The following SRD5A2 variants were observed in gnomAD, a reference collection of about 807,000 sequenced individuals.
SRD5A2 encodes 3-oxo-5-alpha-steroid 4-dehydrogenase 2.
SRD5A2 carries 30 observed loss-of-function variants against 27.4 expected under a neutral mutation model. The observed-to-expected ratio is 1.10, with a 90% CI of 0.82 to 1.49. The LOEUF is 1.49. SRD5A2 is among the 40% of genes most tolerant of loss of function. The pLI is 0.00. For synonymous variants in SRD5A2, 141 were observed against 133.6 expected (o/e 1.06, Z -0.38); for missense variants, 348 against 323.4 (o/e 1.08, Z -0.58).
the SRD5A2 span, among the ~76,000 whole-genome samples, chr2:31,638,594 T>C: frequency 4.4e-4 from 67 of 152,228 alleles, no homozygotes; most frequent in African/African-American, 1.6e-3. Context: ...CTTTATATAC[T>C]AGGAACTCCT....
At chr2:31,628,162 G>C in the SRD5A2 span, among the ~76,000 whole-genome samples, 1 of 152,022 alleles carries the variant, frequency 6.6e-6, no homozygotes, top group Admixed American at 6.6e-5. Flanking sequence ...CTCCTGTGTG[G>C]GGTGCATATA....
At chr2:31,655,013 GA>G in the SRD5A2 span, among the ~76,000 whole-genome samples, 1 of 152,188 alleles carries the variant, frequency 6.6e-6, no homozygotes, top group East Asian at 1.9e-4. Context: ...AGTCAAATAG[GA>G]GGGGAAATAT....
At chr2:31,605,255 C>T in the SRD5A2 span, among the ~76,000 whole-genome samples, 1 of 151,640 alleles carries the variant, frequency 6.6e-6, no homozygotes, top group Admixed American at 6.6e-5. Context: ...TTCTTGGGTA[C>T]TACCCACAAG....
At chr2:31,571,122 C>A (rs951687538) in intron 1 of SRD5A2, among the ~76,000 whole-genome samples, 1 of 152,000 alleles carries the variant, frequency 6.6e-6, no homozygotes, top group Non-Finnish European at 1.5e-5. Flanking sequence ...CTTCAAACTA[C>A]ACTACAAGGC....
the SRD5A2 span, among the ~76,000 whole-genome samples, chr2:31,602,464 C>T: frequency 9.2e-5 from 14 of 151,746 alleles, no homozygotes; most frequent in Non-Finnish European, 1.5e-4. Context: ...ATCAATATTG[C>T]GAAAATGGTC....
chr2:31,526,104 C>CATATAT lies in SRD5A2; in HGVS notation c.*91_*92insATATAT. On this transcript the variant is annotated 3_prime_UTR_variant, in exon 5 of 5. Coordinates refer to ENST00000622030, the MANE Select transcript of SRD5A2 (RefSeq NM_000348.4). ...CAGGAGACCTACTATTACATATATA[C>CATATAT]GGGACTATTATATCATGAAAATTAC... 1 of 795,660 alleles carries CATATAT rather than the reference C, an allele frequency of 1.3e-6. No individual in the cohort carries two copies. 49.3% of individuals were successfully genotyped at this position (795,660 alleles called of 1,614,324 possible).
intron 1 of SRD5A2, among the ~76,000 whole-genome samples, chr2:31,569,922 A>G (rs1393711701): frequency 6.6e-6 from 1 of 152,150 alleles, no homozygotes. Flanking sequence ...TTTTCAAAAG[A>G]CAGTTAAGAC....
the SRD5A2 span, among the ~76,000 whole-genome samples, chr2:31,605,238 G>GAA: frequency 6.6e-6 from 1 of 151,914 alleles, no homozygotes; most frequent in African/African-American, 2.4e-5. Context: ...TTGGTCTAGG[G>GAA]AAAGATTTCT....
chr2:31,533,411 G>A (rs1173677671), intron 2 of SRD5A2, among the ~76,000 whole-genome samples, 192 bp downstream of exon 2: 2 of 152,180 alleles, frequency 1.3e-5, no homozygotes, highest in South Asian at 2.1e-4. Flanking sequence ...AGAGTTTTGC[G>A]ATGGGAAATG....
chr2:31,557,350 C>A, intron 1 of SRD5A2, among the ~76,000 whole-genome samples: 1 of 152,238 alleles, frequency 6.6e-6, no homozygotes, highest in East Asian at 1.9e-4. Flanking sequence ...CTCCCAGTGG[C>A]AGATTTAACT....
At chr2:31,565,631 G>C (rs147568074) in intron 1 of SRD5A2, among the ~76,000 whole-genome samples, 1 of 151,804 alleles carries the variant, frequency 6.6e-6, no homozygotes, top group Non-Finnish European at 1.5e-5. Context: ...GTTTCATCAC[G>C]ATAAAAGCAT....
In SRD5A2 at chr2:31,544,037, G is replaced by T. The variant is rs187740513; in HGVS notation, c.282-10271C>A. On this transcript the variant is annotated intron_variant, in intron 1 of 4. Transcript: ENST00000622030. ...TGGAAATGAAAAAAGAGCAGATGTG[G>T]CTGTACTAACAGGCAAAATGGACTT... Among the ~76,000 whole-genome samples, 14 of 152,058 alleles carry T rather than the reference G, an allele frequency of 9.2e-5. No individual in the cohort carries two copies. In the East Asian group the frequency reaches 1.3e-3, roughly 15 times the overall value.
At chr2:31,541,874 C>T (rs1053968694) in intron 1 of SRD5A2, among the ~76,000 whole-genome samples, 11 of 152,188 alleles carry the variant, frequency 7.2e-5, no homozygotes, top group Non-Finnish European at 1.2e-4. Context: ...TGCCAACACA[C>T]ACAGGGAGCA....
chr2:31,589,004 T>G, the SRD5A2 span, among the ~76,000 whole-genome samples: 1 of 152,054 alleles, frequency 6.6e-6, no homozygotes, highest in South Asian at 2.1e-4. Context: ...AAAGAAGCAG[T>G]TTTACTGTTG....
At chr2:31,596,582 C>T in the SRD5A2 span, among the ~76,000 whole-genome samples, 1 of 151,884 alleles carries the variant, frequency 6.6e-6, no homozygotes, top group Non-Finnish European at 1.5e-5. Flanking sequence ...AATCACATAC[C>T]TAGAAAACCC....
chr2:31,638,519 GTGT>G, the SRD5A2 span, among the ~76,000 whole-genome samples: 1 of 151,950 alleles, frequency 6.6e-6, no homozygotes, highest in Non-Finnish European at 1.5e-5. Flanking sequence ...TAACAGTGGG[GTGT>G]TAAAGTCCCC....
chr2:31,581,812 T>C (rs1667089171), upstream of SRD5A2, among the ~76,000 whole-genome samples: 1 of 152,052 alleles, frequency 6.6e-6, no homozygotes, highest in African/African-American at 2.4e-5. Flanking sequence ...GCCCATCAGG[T>C]GGTGGCCTGG....
At chr2:31,532,492 A>G (rs1665931923) in intron 2 of SRD5A2, among the ~76,000 whole-genome samples, 1 of 151,926 alleles carries the variant, frequency 6.6e-6, no homozygotes, top group Non-Finnish European at 1.5e-5. Flanking sequence ...CACATGCACT[A>G]TCCACTGGTA....
chr2:31,525,149 A>G lies in SRD5A2; in HGVS notation c.*1047T>C. 1 of 220,554 alleles carries G rather than the reference A, an allele frequency of 4.5e-6. No individual in the cohort carries two copies. Among genetic ancestry groups the G allele is most frequent in the East Asian group, 6.5e-5 (1 of 15,296 alleles). 13.7% of individuals were successfully genotyped at this position (220,554 alleles called of 1,614,324 possible). A position where few individuals can be genotyped will look rare whatever the true frequency, so the allele number is the denominator to read the frequency against. On this transcript the variant is annotated 3_prime_UTR_variant, in exon 5 of 5. Coordinates refer to ENST00000622030, the MANE Select transcript of SRD5A2 (RefSeq NM_000348.4). Reference sequence around the variant, plus strand: ...TCTCTGCCTGCAGGTCCTTTGAGGGAGGCATTCAGGCTGCCCCTAGGAGAC... The same window carrying G: ...TCTCTGCCTGCAGGTCCTTTGAGGGGGGCATTCAGGCTGCCCCTAGGAGAC...
Sources: gnomAD v4.1 joint callset for allele counts (sites outside exome capture counted in the v4.1 genomes callset) on GRCh38, gnomAD v4.1.1 for gene constraint, MANE v1.5 for transcripts, NCBI Gene and HGNC (gene_info 2026-07-23, HGNC 2026-07-21) for gene names.